The following PRMT3 variants were observed in gnomAD, a reference collection of about 807,000 sequenced individuals.
The protein encoded by PRMT3 is protein arginine methyltransferase 3.
Under a neutral mutation model 71.9 loss-of-function variants are expected in PRMT3, and 62 were observed. The observed-to-expected ratio is 0.86, with a 90% CI of 0.70 to 1.07. The LOEUF is 1.07. PRMT3 is among the 50% of genes least tolerant of loss of function. The probability of loss-of-function intolerance (pLI) is 0.00; values close to 1 mark genes in which losing one functional copy is unlikely to be tolerated. For synonymous variants in PRMT3, 213 were observed against 220.4 expected, an observed-to-expected ratio of 0.97 and a Z score of 0.30; for missense variants, 663 against 643.0, an observed-to-expected ratio of 1.03 and a Z score of -0.34.
intron 7 of PRMT3, among the ~76,000 whole-genome samples, chr11:20,400,190 C>A (rs993153018): frequency 6.6e-6 from 1 of 152,114 alleles, no homozygotes; most frequent in African/African-American, 2.4e-5. Context: ...ATTGAGAAAT[C>A]ATATTTACAG....
At chr11:20,456,268 G>GCTCAGT (rs1432341898) in intron 11 of PRMT3, among the ~76,000 whole-genome samples, 2 of 152,118 alleles carry the variant, frequency 1.3e-5, no homozygotes, top group Non-Finnish European at 2.9e-5. Flanking sequence ...TTAAACATGT[G>GCTCAGT]CTCAGTCTCT....
At chr11:20,390,167 G>A (rs1050115265) in intron 3 of PRMT3, among the ~76,000 whole-genome samples, 2 of 150,358 alleles carry the variant, frequency 1.3e-5, no homozygotes, top group Non-Finnish European at 3.0e-5. Flanking sequence ...AAAAAAATCT[G>A]TGAAATATAA....
Position 20,408,021 on chromosome 11 carries a change from G to A in PRMT3, c.882G>A (p.Met294Ile), listed in dbSNP as rs1849110714. ...AATCTGAAATACTTTACCAGGCAAT[G>A]GATATTATAAGGTACATATATTTTA... ...VDQSEILYQAMDIIRLNKLED... is the reference protein window; with the variant it reads ...VDQSEILYQAIDIIRLNKLED... The change falls in exon 9 of 16, where the codon ATG (methionine) becomes ATA (isoleucine). Residue 294 changes from methionine to isoleucine, a missense_variant. By Grantham distance (10) the Met-to-Ile change is conservative. Coordinates refer to ENST00000331079, the MANE Select transcript of PRMT3 (RefSeq NM_005788.4). The A allele has an allele frequency of 6.3e-7, 1 of 1,577,264 alleles. No individual in the cohort carries two copies. The highest frequency in any genetic ancestry group is 8.7e-7 in the Non-Finnish European group (1 of 1,149,014).
chr11:20,503,242 T>C (rs1851500684), intron 15 of PRMT3, among the ~76,000 whole-genome samples: 1 of 152,212 alleles, frequency 6.6e-6, no homozygotes, highest in South Asian at 2.1e-4. Context: ...ATTACTACTT[T>C]TGTACAATGT....
At chr11:20,395,428 C>G (rs537682971) in intron 5 of PRMT3, among the ~76,000 whole-genome samples, 3 of 152,158 alleles carry the variant, frequency 2.0e-5, no homozygotes, top group South Asian at 4.2e-4. Context: ...ACTGCAACCT[C>G]CGCTTCCGAG....
Position 20,387,879 on chromosome 11 carries a change from GC to G in PRMT3, c.28+106del. The G allele has an allele frequency of 6.5e-7, 1 of 1,534,808 alleles. No individual in the cohort carries two copies. The highest frequency in any genetic ancestry group is 8.8e-7 in the Non-Finnish European group (1 of 1,138,926). ...GACACGGGCCCGGGCAGGGTGGGGG[GC>G]TCGCAGGGATCATGAAGGAGGTGCT... is the stretch of plus-strand genomic sequence containing the variant. On this transcript the variant is annotated intron_variant, in intron 1 of 15. Transcript: ENST00000331079. This position sits in a 1 kb window ranked among gnomAD's most constrained non-coding sequence, Gnocchi z 4.3.
At chr11:20,462,586 G>A (rs116170016) in intron 12 of PRMT3, among the ~76,000 whole-genome samples, 4,557 of 152,176 alleles carry the variant, frequency 0.03, 232 homozygotes, top group African/African-American at 0.1. Context: ...ATTTCTTCCA[G>A]CGTTTTCAGA....
chr11:20,489,727 T>TA (rs1317103635), intron 13 of PRMT3, among the ~76,000 whole-genome samples: 1 of 151,944 alleles, frequency 6.6e-6, no homozygotes, highest in Admixed American at 6.6e-5. Context: ...ACACTAATCA[T>TA]AATTCATTTG....
chr11:20,488,749 G>A (rs1851138842), intron 13 of PRMT3, among the ~76,000 whole-genome samples: 1 of 152,070 alleles, frequency 6.6e-6, no homozygotes, highest in Non-Finnish European at 1.5e-5. Context: ...CACACAATGT[G>A]TCCTCTTTAA....
chr11:20,451,185 A>C (rs1850140253), intron 10 of PRMT3, among the ~76,000 whole-genome samples: 1 of 152,016 alleles, frequency 6.6e-6, no homozygotes, highest in African/African-American at 2.4e-5. Context: ...TGTATTATTT[A>C]CCCTTTCTTG....
intron 12 of PRMT3, 83 bp downstream of exon 12, chr11:20,462,250 A>T: frequency 8.9e-7 from 1 of 1,119,866 alleles, no homozygotes; most frequent in Non-Finnish European, 1.3e-6. Flanking sequence ...TATTGATTTT[A>T]TATATGGGCT....
chr11:20,420,829 C>A (rs971279580), intron 9 of PRMT3, among the ~76,000 whole-genome samples: 4 of 152,250 alleles, frequency 2.6e-5, no homozygotes, highest in Admixed American at 2.0e-4. Flanking sequence ...CTTTCATCAC[C>A]TCTTCTATCC....
chr11:20,450,795 G>T (rs1042361593), intron 10 of PRMT3, among the ~76,000 whole-genome samples: 1 of 151,898 alleles, frequency 6.6e-6, no homozygotes, highest in East Asian at 1.9e-4. Context: ...TGGGTTTGCA[G>T]GTTTTTCTTG....
At chr11:20,501,008 G>T (rs1851445801) in intron 15 of PRMT3, among the ~76,000 whole-genome samples, 1 of 152,102 alleles carries the variant, frequency 6.6e-6, no homozygotes, top group African/African-American at 2.4e-5. Context: ...ATGTACTCCA[G>T]TTGTACAGAT....
intron 9 of PRMT3, among the ~76,000 whole-genome samples, chr11:20,422,040 C>A (rs531233583): frequency 3.3e-5 from 5 of 152,150 alleles, no homozygotes; most frequent in African/African-American, 1.2e-4. Context: ...ACCCCTCTTG[C>A]GGTAGGTATG....
At chr11:20,469,429 G>A (rs992765967) in intron 13 of PRMT3, among the ~76,000 whole-genome samples, 9 of 152,140 alleles carry the variant, frequency 5.9e-5, no homozygotes, top group Non-Finnish European at 1.2e-4. Flanking sequence ...ATAATTCTAA[G>A]TATACATTAA....
At chr11:20,408,755 C>A (rs1315336076) in intron 9 of PRMT3, among the ~76,000 whole-genome samples, 22 of 152,152 alleles carry the variant, frequency 1.4e-4, no homozygotes. Flanking sequence ...CTCATAGCAA[C>A]TTTTAAGTGA....
Position 20,392,213 on chromosome 11 carries a change from C to G in PRMT3, c.250C>G (p.Leu84Val). 2 of 1,570,738 alleles carry G rather than the reference C, an allele frequency of 1.3e-6. No homozygotes were observed. Among genetic ancestry groups the G allele is most frequent in the Non-Finnish European group, 1.7e-6 (2 of 1,151,614 alleles). ...NIDSMVHKHG[L>V]EFYGYIKLIN... ...GAATTATCTTTTTCCCCCTTTAGGA[C>G]TTGAATTTTATGGATACATTAAGCT... The change falls in exon 4 of 16, where the codon CTT becomes GTT. Residue 84 changes from leucine to valine, a missense_variant and splice_region_variant. Leu to Val is a conservative substitution (Grantham distance 32). Transcript: ENST00000331079.
Position 20,388,150 on chromosome 11 carries a change from A to T in PRMT3, c.160A>T (p.Asn54Tyr). 1 of 1,613,882 alleles carries T rather than the reference A, an allele frequency of 6.2e-7. No homozygotes were observed. Among genetic ancestry groups the T allele is most frequent in the Non-Finnish European group, 8.5e-7 (1 of 1,179,986 alleles). ...GKQQTPCLFCNRLFTSAEETF... is the reference protein window; with the variant it reads ...GKQQTPCLFCYRLFTSAEETF... ...GCAGCAGACCCCCTGCCTGTTCTGT[A>T]ACAGGTTCGTCCGCCTCAGCGCCTG... The change falls in exon 2 of 16, where the codon AAC (asparagine) becomes TAC (tyrosine). Residue 54 changes from asparagine to tyrosine, a missense_variant. By Grantham distance (143) the Asn-to-Tyr change is moderately radical (BLOSUM62 -2). Coordinates refer to ENST00000331079, the MANE Select transcript of PRMT3 (RefSeq NM_005788.4).
Sources: allele counts gnomAD v4.1 joint callset (sites outside exome capture counted in the v4.1 genomes callset), GRCh38; gene constraint gnomAD v4.1.1; non-coding constraint Gnocchi (gnomAD v3.1); transcripts MANE v1.5; gene names NCBI Gene and HGNC (gene_info 2026-07-23, HGNC 2026-07-21).